The following CARS1 variants were observed in gnomAD, a reference collection of about 807,000 sequenced individuals.
CARS1 encodes the protein cysteine--tRNA ligase, cytoplasmic.
In CARS1, 48 loss-of-function variants were observed where a neutral mutation model predicts 106.2. The observed-to-expected ratio is 0.45, with a 90% CI of 0.36 to 0.57. The LOEUF (loss-of-function observed/expected upper bound fraction) is 0.57, where lower values mean the gene tolerates loss of function less well. Ranked by LOEUF, CARS1 falls within the 20% of genes least tolerant of loss-of-function variation. CARS1 has a pLI of 0.00. For synonymous variants in CARS1, 409 were observed against 403.4 expected, an observed-to-expected ratio of 1.01 and a Z score of -0.17; for missense variants, 968 against 1,057.2, an observed-to-expected ratio of 0.92 and a Z score of 1.17.
Position 3,039,700 on chromosome 11 carries a change from G to A in CARS1, c.552+135C>T. 1.7e-6 allele frequency: 1 copy of A among 573,906 alleles called. No individual in the cohort carries two copies. Among genetic ancestry groups the A allele is most frequent in the Non-Finnish European group, 3.1e-6 (1 of 326,860 alleles). The allele number at this position is 573,906 out of a possible 1,614,324, so 35.6% of individuals were successfully genotyped here. A position where few individuals can be genotyped will look rare whatever the true frequency, so the allele number is the denominator to read the frequency against. Reference sequence around the variant, plus strand: ...GCAGAAGTGGTAATATTAACTCACTGAGGGGATTAAAATGATGTTTATCAG... The same window carrying A: ...GCAGAAGTGGTAATATTAACTCACTAAGGGGATTAAAATGATGTTTATCAG... On this transcript the variant is annotated intron_variant, in intron 5 of 22. Coordinates refer to ENST00000380525, the MANE Select transcript of CARS1 (RefSeq NM_001014437.3). This position sits in a 1 kb window ranked among gnomAD's most constrained non-coding sequence, Gnocchi z 5.6.
At chr11:3,026,192 A>C (rs1852056856) in intron 10 of CARS1, among the ~76,000 whole-genome samples, 1 of 152,190 alleles carries the variant, frequency 6.6e-6, no homozygotes, top group Non-Finnish European at 1.5e-5. Context: ...GAAGCTGAGA[A>C]GAGTCAGGTC....
At position 3,045,741 on chromosome 11, in the gene CARS1, G is replaced by A. The variant is rs1234503145; in HGVS notation, c.274+2012C>T. On this transcript the variant is annotated intron_variant, in intron 2 of 22. Transcript: ENST00000380525. The surrounding 1 kb of genome is among the most constrained non-coding windows in gnomAD (Gnocchi z 5.6). ...GAGGGGCACATGGCCCACTGTGCCA[G>A]CAAGGAAGGTGCATGCTTGGGGAGT... Among the ~76,000 whole-genome samples the A allele has an allele frequency of 6.6e-6, 1 of 152,252 alleles. No individual in the cohort carries two copies. The highest frequency in any genetic ancestry group is 6.5e-5 in the Admixed American group (1 of 15,288).
intron 9 of CARS1, chr11:3,027,147 C>A (rs138305744): frequency 1.1e-3 from 210 of 184,364 alleles, no homozygotes; most frequent in African/African-American, 4.4e-3. Flanking sequence ...TTAGCTGAGG[C>A]TCTTGGCCTC....
chr11:3,030,055 A>T lies in CARS1; in HGVS notation c.802-612T>A. On this transcript the variant is annotated intron_variant, in intron 7 of 22. Coordinates refer to ENST00000380525, the MANE Select transcript of CARS1 (RefSeq NM_001014437.3). The surrounding 1 kb of genome is among the most constrained non-coding windows in gnomAD (Gnocchi z 5.7). ...CACTCTAGGCATGAGACACGCCCCAACTGCACTCATGTCAGAAAAGAGAAA... is the reference window on the plus strand; with the variant it reads ...CACTCTAGGCATGAGACACGCCCCATCTGCACTCATGTCAGAAAAGAGAAA... 6.6e-6 allele frequency: 1 copy of T among 152,392 alleles called. No individual in the cohort carries two copies. Among genetic ancestry groups the T allele is most frequent in the Non-Finnish European group, 1.5e-5 (1 of 68,220 alleles). 9.4% of individuals were successfully genotyped at this position (152,392 alleles called of 1,614,324 possible).
intron 1 of CARS1, among the ~76,000 whole-genome samples, chr11:3,056,865 C>T (rs1024827475): frequency 1.3e-5 from 2 of 152,196 alleles, no homozygotes; most frequent in Non-Finnish European, 2.9e-5. Flanking sequence ...TGCAAGGGGA[C>T]CTCGGCAGGA....
In CARS1 at chr11:3,044,783, TATGAACCGCTC is replaced by T. The variant is rs1422073303; in HGVS notation, c.275-2538_275-2528del. Among the ~76,000 whole-genome samples the T allele has an allele frequency of 4.6e-5, 7 of 152,198 alleles. No individual in the cohort carries two copies. The highest frequency in any genetic ancestry group is 2.0e-4 in the Admixed American group (3 of 15,302). ...CTGAGTGATCCAACAACAGACCAACTATGAACCGCTCATGAGAGACATGGCTTTGAAACAGG... is the reference window on the plus strand; with the variant it reads ...CTGAGTGATCCAACAACAGACCAACTATGAGAGACATGGCTTTGAAACAGG... On this transcript the variant is annotated intron_variant, in intron 2 of 22. Transcript: ENST00000380525. This position sits in a 1 kb window ranked among gnomAD's most constrained non-coding sequence, Gnocchi z 4.4.
In CARS1 at chr11:3,028,142, C is replaced by T. The variant is rs1852305338; in HGVS notation, c.1031+854G>A. ...TGGCGTAAGCTGCCTCTCTCTGTCT[C>T]CTCTCTCTCTCTGCCTTGGCTGCCA... is the stretch of plus-strand genomic sequence containing the variant. On this transcript the variant is annotated intron_variant, in intron 9 of 22. Transcript: ENST00000380525. The surrounding 1 kb of genome is among the most constrained non-coding windows in gnomAD (Gnocchi z 4.4). 1 of 306,044 alleles carries T rather than the reference C, an allele frequency of 3.3e-6. No individual in the cohort carries two copies. The highest frequency in any genetic ancestry group is 6.4e-6 in the Non-Finnish European group (1 of 156,464). The allele number at this position is 306,044 out of a possible 1,614,324, so 19.0% of individuals were successfully genotyped here. A position where few individuals can be genotyped will look rare whatever the true frequency, so the allele number is the denominator to read the frequency against.
At position 3,040,785 on chromosome 11, in the gene CARS1, T is replaced by G; in HGVS notation, c.455+111A>C. 9.0e-7 allele frequency: 1 copy of G among 1,108,920 alleles called. No individual in the cohort carries two copies. The allele number at this position is 1,108,920 out of a possible 1,614,324, so 68.7% of individuals were successfully genotyped here. On this transcript the variant is annotated intron_variant, in intron 4 of 22. Transcript: ENST00000380525. The surrounding 1 kb of genome is among the most constrained non-coding windows in gnomAD (Gnocchi z 5.8). ...CTTGATTCCTCAAATCTCAGGTCTC[T>G]GTAGCAGATCTAAGATCTTTGTGGA...
In CARS1 at chr11:3,029,350, G is replaced by A. The variant is rs527332040; in HGVS notation, c.895C>T (p.Pro299Ser). ...TGGAAGTCCCCCTCCCAGAACTTGG[G>A]CAGCTTGGAGAAGATGGAATTGTCA... ...VTDNSIFSKL[P>S]KFWEGDFHRD... is the part of the protein sequence containing the mutation. The change falls in exon 8 of 23, where the codon CCC becomes TCC. Residue 299 changes from proline to serine, a missense_variant. Coordinates refer to ENST00000380525, the MANE Select transcript of CARS1 (RefSeq NM_001014437.3). This position sits in a 1 kb window ranked among gnomAD's most constrained non-coding sequence, Gnocchi z 5.9. 1 of 1,614,062 alleles carries A rather than the reference G, an allele frequency of 6.2e-7. No individual in the cohort carries two copies. The highest frequency in any genetic ancestry group is 2.2e-5 in the East Asian group (1 of 44,882).
At chr11:3,002,512 A>G in intron 21 of CARS1, 29 bp downstream of exon 21, 1 of 1,613,342 alleles carries the variant, frequency 6.2e-7, no homozygotes, top group Non-Finnish European at 8.5e-7. Context: ...TGCCCAGTAG[A>G]GCCCTCACCC....
At chr11:3,018,244 T>C in intron 14 of CARS1, 164 bp downstream of exon 14, 1 of 619,642 alleles carries the variant, frequency 1.6e-6, no homozygotes, top group Non-Finnish European at 2.8e-6. Context: ...ATTTCAGGAG[T>C]GGCCCCGAGC....
Position 3,040,890 on chromosome 11 carries a change from A to T in CARS1, c.455+6T>A, listed in dbSNP as rs1475848331. ...AAGCTGCAGGGACACCCCGCGGTGG[A>T]CCTACCTGGCGTGCCCCATGTGAGA... On this transcript the variant is annotated splice_donor_region_variant and intron_variant, in intron 4 of 22. Coordinates refer to ENST00000380525, the MANE Select transcript of CARS1 (RefSeq NM_001014437.3). The surrounding 1 kb of genome is among the most constrained non-coding windows in gnomAD (Gnocchi z 5.8). 1 of 1,613,300 alleles carries T rather than the reference A, an allele frequency of 6.2e-7. No homozygotes were observed. Among genetic ancestry groups the T allele is most frequent in the Admixed American group, 1.7e-5 (1 of 59,848 alleles).
intron 7 of CARS1, among the ~76,000 whole-genome samples, chr11:3,031,984 C>CTCCTTCCTTCCTTCCTTCCT (rs1423537013): frequency 2.9e-4 from 10 of 34,188 alleles, no homozygotes; most frequent in East Asian, 7.7e-4. Context: ...TCTTTTCTTT[C>CTCCTTCCTTCCTTCCTTCCT]TCCTTCCTTC....
In CARS1 at chr11:3,017,231, T is replaced by C. The variant is rs1336244773; in HGVS notation, c.1792A>G (p.Met598Val). 1.2e-6 allele frequency: 2 copies of C among 1,614,168 alleles called. No homozygotes were observed. The highest frequency in any genetic ancestry group is 1.3e-5 in the African/African-American group (1 of 75,066). The change falls in exon 16 of 23, where the codon ATG becomes GTG. Residue 598 changes from methionine (M) to valine (V), a missense_variant. Transcript: ENST00000380525. This position sits in a 1 kb window ranked among gnomAD's most constrained non-coding sequence, Gnocchi z 4.9. ...LCDNVDTRTVMEEMRALVSQC... is the reference protein window; with the variant it reads ...LCDNVDTRTVVEEMRALVSQC... Reference sequence around the variant, plus strand: ...CTGACCAAGGCCCGCATCTCTTCCATGACGGTGCGGGTGTCAACATTGTCA... The same window carrying C: ...CTGACCAAGGCCCGCATCTCTTCCACGACGGTGCGGGTGTCAACATTGTCA...
chr11:3,004,713 G>A lies in CARS1; in HGVS notation c.2217+653C>T, dbSNP rs1329778621. Among the ~76,000 whole-genome samples the A allele has an allele frequency of 8.5e-5, 13 of 152,214 alleles. No individual in the cohort carries two copies. The East Asian group carries it at 1.9e-3, about 23-fold the overall frequency. ...TTGGGCCATCCCTGATCCTGGGGGC[G>A]TTGTGGGGTGCAGGTGGGGAGTATG... On this transcript the variant is annotated intron_variant, in intron 20 of 22. Coordinates refer to ENST00000380525, the MANE Select transcript of CARS1 (RefSeq NM_001014437.3). This position sits in a 1 kb window ranked among gnomAD's most constrained non-coding sequence, Gnocchi z 5.2.
rs994881138 is a variant in CARS1 at position 3,021,726 on chromosome 11, AAC to A, written c.1154-1396_1154-1395del. On this transcript the variant is annotated intron_variant, in intron 10 of 22. Transcript: ENST00000380525. This position sits in a 1 kb window ranked among gnomAD's most constrained non-coding sequence, Gnocchi z 5.3. ...CCAGATTAAAAAACAAACACACAAA[AAC>A]ACAAAAAACCTCTGCAAGCAAAATC... Among the ~76,000 whole-genome samples the A allele has an allele frequency of 2.6e-5, 4 of 152,160 alleles. No homozygotes were observed. The highest frequency in any genetic ancestry group is 5.9e-5 in the Non-Finnish European group (4 of 68,022).
chr11:3,049,886 A>T (rs753706533), intron 1 of CARS1, among the ~76,000 whole-genome samples: 1 of 152,222 alleles, frequency 6.6e-6, no homozygotes, highest in Non-Finnish European at 1.5e-5. Flanking sequence ...TTGCGGGGGT[A>T]ACTGCACACG....
At position 3,037,875 on chromosome 11, in the gene CARS1, G is replaced by A. The variant is rs966643977; in HGVS notation, c.801+175C>T. Among the ~76,000 whole-genome samples, 3 of 152,176 alleles carry A rather than the reference G, an allele frequency of 2.0e-5. No individual in the cohort carries two copies. The highest frequency in any genetic ancestry group is 7.2e-5 in the African/African-American group (3 of 41,440). ...TGGGGCAAAGGGGTGTGGGAGGGGAGGGGCACTGACTCAGCCACCGCAGAA... is the reference window on the plus strand; with the variant it reads ...TGGGGCAAAGGGGTGTGGGAGGGGAAGGGCACTGACTCAGCCACCGCAGAA... On this transcript the variant is annotated intron_variant, in intron 7 of 22. Coordinates refer to ENST00000380525, the MANE Select transcript of CARS1 (RefSeq NM_001014437.3). This position sits in a 1 kb window ranked among gnomAD's most constrained non-coding sequence, Gnocchi z 5.9.
intron 20 of CARS1, 133 bp from the exon 21 acceptor site, chr11:3,002,733 C>T: frequency 1.4e-6 from 2 of 1,451,586 alleles, no homozygotes; most frequent in Non-Finnish European, 1.8e-6. Context: ...CCAGGCCCTC[C>T]CCACTGTGGG....
Sources: gnomAD v4.1 joint callset for allele counts (sites outside exome capture counted in the v4.1 genomes callset) on GRCh38, gnomAD v4.1.1 for gene constraint, Gnocchi (gnomAD v3.1) non-coding constraint, MANE v1.5 for transcripts, NCBI Gene and HGNC (gene_info 2026-07-23, HGNC 2026-07-21) for gene names.